Variants in BMPR1B observed in about 807,000 individuals in gnomAD.
The protein encoded by BMPR1B is bone morphogenetic protein receptor type-1B.
In BMPR1B, 12 loss-of-function variants were observed where a neutral mutation model predicts 59.1. The ratio of observed to expected loss-of-function variants is 0.20; its 90% CI spans 0.13 to 0.33. The LOEUF is 0.33. Among genes scored for constraint, BMPR1B ranks in the 10% least tolerant of loss-of-function variants. The probability of loss-of-function intolerance (pLI) is 1.00; values close to 1 mark genes in which losing one functional copy is unlikely to be tolerated. For missense variants in BMPR1B, 550 were observed against 610.9 expected, an observed-to-expected ratio of 0.90 and a Z score of 1.05; for synonymous variants, 237 against 207.3, an observed-to-expected ratio of 1.14 and a Z score of -1.23.
chr4:94,818,446 G>A (rs77437195), intron 1 of BMPR1B, among the ~76,000 whole-genome samples: 1 of 152,100 alleles, frequency 6.6e-6, no homozygotes, highest in Non-Finnish European at 1.5e-5. Flanking sequence ...GTTTGAGGCA[G>A]AGCTGCATCT....
At chr4:95,041,722 T>C (rs1020734560) in intron 3 of BMPR1B, among the ~76,000 whole-genome samples, 4 of 152,100 alleles carry the variant, frequency 2.6e-5, no homozygotes, top group Non-Finnish European at 5.9e-5. Flanking sequence ...TCTCAGGGCT[T>C]TTATCTTAGG....
At chr4:94,880,290 A>C (rs879618240) in intron 2 of BMPR1B, among the ~76,000 whole-genome samples, 7 of 152,148 alleles carry the variant, frequency 4.6e-5, no homozygotes, top group Non-Finnish European at 5.9e-5. Flanking sequence ...TGCCCTAAAA[A>C]CAATGCATTA....
chr4:94,945,836 A>G (rs750870410), intron 2 of BMPR1B, among the ~76,000 whole-genome samples: 9 of 152,220 alleles, frequency 5.9e-5, no homozygotes, highest in Non-Finnish European at 1.3e-4. Context: ...ATCTACCTGC[A>G]TAGTTTTTTA....
intron 1 of BMPR1B, among the ~76,000 whole-genome samples, chr4:94,873,710 A>G (rs1483865921): frequency 2.0e-5 from 3 of 152,060 alleles, no homozygotes; most frequent in Non-Finnish European, 4.4e-5. Flanking sequence ...GCCCGGCCCG[A>G]CCATGAATTC....
chr4:95,012,240 A>G (rs2149125354), intron 3 of BMPR1B, among the ~76,000 whole-genome samples: 1 of 152,300 alleles, frequency 6.6e-6, no homozygotes, highest in East Asian at 1.9e-4. Flanking sequence ...CCATTTAAAA[A>G]TAATTTTTGC....
chr4:94,832,167 G>GGTCCCTA (rs1193491093), intron 1 of BMPR1B, among the ~76,000 whole-genome samples: 1 of 152,202 alleles, frequency 6.6e-6, no homozygotes, highest in African/African-American at 2.4e-5. Context: ...CCATGAAACT[G>GGTCCCTA]GTCCCTAGTG....
chr4:94,965,986 A>G (rs1730543463), intron 2 of BMPR1B, among the ~76,000 whole-genome samples: 1 of 152,164 alleles, frequency 6.6e-6, no homozygotes, highest in Non-Finnish European at 1.5e-5. Flanking sequence ...GCACTTAGAG[A>G]GAATGGACAT....
Position 94,802,317 on chromosome 4 carries a change from G to A in BMPR1B, c.-183+44249G>A, listed in dbSNP as rs1578660463. ...CAGGGCTTCCGAGAGGCCTGGGTAG[G>A]CTCCAAGAGCTTCCACATCCACCGG... is the stretch of plus-strand genomic sequence containing the variant. On this transcript the variant is annotated intron_variant, in intron 1 of 12. Transcript: ENST00000515059. 2.6e-5 allele frequency among the ~76,000 whole-genome samples: 4 copies of A among 152,250 alleles called. No individual in the cohort carries two copies. The South Asian group carries it at 8.3e-4, about 32-fold the overall frequency.
intron 1 of BMPR1B, among the ~76,000 whole-genome samples, chr4:94,870,068 TTTATC>T (rs1461501313): frequency 6.6e-6 from 1 of 152,142 alleles, no homozygotes; most frequent in African/African-American, 2.4e-5. Flanking sequence ...TTAAGGAAAA[TTTATC>T]TTTATGTTCT....
rs1255329253 is a variant in BMPR1B, at chr4:95,139,706, TCCGAGCCGGGCG to T, written c.1076+8195_1076+8206del. Among the ~76,000 whole-genome samples the T allele has an allele frequency of 1.7e-3, 256 of 152,080 alleles. 1 individual carries two copies. The highest frequency in any genetic ancestry group is 6.9e-3 in the Middle Eastern group (2 of 290). ...GCGAGGCTCCATGGGCGTGGGACCC[TCCGAGCCGGGCG>T]TGGGACCCTCGGAGCCATGCGCGGG... On this transcript the variant is annotated intron_variant, in intron 10 of 12. Coordinates refer to ENST00000515059, the MANE Select transcript of BMPR1B (RefSeq NM_001203.3).
At chr4:95,071,664 A>ATATATATG (rs1331734598) in intron 3 of BMPR1B, among the ~76,000 whole-genome samples, 1 of 145,212 alleles carries the variant, frequency 6.9e-6, no homozygotes, top group African/African-American at 2.5e-5. Context: ...ATATATATAT[A>ATATATATG]TATATATATA....
chr4:95,008,150 A>G (rs992914229), intron 3 of BMPR1B, among the ~76,000 whole-genome samples: 2 of 152,192 alleles, frequency 1.3e-5, no homozygotes, highest in South Asian at 2.1e-4. Context: ...TAAAGAGTTT[A>G]TAAGGAATAC....
intron 3 of BMPR1B, among the ~76,000 whole-genome samples, chr4:94,998,913 T>C (rs1252359284): frequency 6.6e-6 from 1 of 152,206 alleles, no homozygotes; most frequent in Non-Finnish European, 1.5e-5. Context: ...CCATTTTATT[T>C]GCTGGCAGTA....
At chr4:94,947,216 G>C (rs1195375184) in intron 2 of BMPR1B, among the ~76,000 whole-genome samples, 2 of 152,154 alleles carry the variant, frequency 1.3e-5, no homozygotes, top group Non-Finnish European at 1.5e-5. Flanking sequence ...ATTGATGTAT[G>C]AATACTAACT....
chr4:94,952,255 C>G (rs929460322), intron 2 of BMPR1B, among the ~76,000 whole-genome samples: 3 of 151,930 alleles, frequency 2.0e-5, no homozygotes, highest in Non-Finnish European at 4.4e-5. Context: ...GTGTCTCTGT[C>G]TCCTTCAGTT....
At chr4:94,807,010 A>T (rs1251357832) in intron 1 of BMPR1B, among the ~76,000 whole-genome samples, 2 of 152,158 alleles carry the variant, frequency 1.3e-5, no homozygotes, top group Non-Finnish European at 1.5e-5. Context: ...TAAAATAATT[A>T]TATTTTATAA....
chr4:95,141,808 T>TA (rs1447944064), intron 10 of BMPR1B, among the ~76,000 whole-genome samples: 4 of 150,804 alleles, frequency 2.7e-5, no homozygotes, highest in Non-Finnish European at 5.9e-5. Flanking sequence ...TAAATTAAAA[T>TA]AAAAAACCTG....
chr4:95,130,723 C>CTTTTTTTTTTTTTTTTTT (rs148720302), intron 9 of BMPR1B, among the ~76,000 whole-genome samples: 6 of 77,930 alleles, frequency 7.7e-5, no homozygotes, highest in Admixed American at 1.8e-4. Flanking sequence ...CTTTTCTTTT[C>CTTTTTTTTTTTTTTTTTT]TTTTTTTTTT....
At chr4:94,790,639 A>G (rs941027582) in intron 1 of BMPR1B, among the ~76,000 whole-genome samples, 1 of 152,190 alleles carries the variant, frequency 6.6e-6, no homozygotes, top group Non-Finnish European at 1.5e-5. Flanking sequence ...AAGCTCTACA[A>G]TTTCAGTTTG....
Sources: gnomAD v4.1 joint callset for allele counts (sites outside exome capture counted in the v4.1 genomes callset) on GRCh38, gnomAD v4.1.1 for gene constraint, MANE v1.5 for transcripts, NCBI Gene and HGNC (gene_info 2026-07-23, HGNC 2026-07-21) for gene names.